Variants in TENM2 observed in about 807,000 individuals in gnomAD.
TENM2 encodes the protein teneurin transmembrane protein 2.
TENM2 carries 52 observed loss-of-function variants against 245.2 expected under a neutral mutation model. The observed-to-expected ratio is 0.21, with a 90% confidence interval of 0.17 to 0.27. The LOEUF (loss-of-function observed/expected upper bound fraction) is 0.27, where lower values mean the gene tolerates loss of function less well. TENM2 is among the 10% of genes least tolerant of loss of function. The probability of loss-of-function intolerance (pLI) is 1.00; values close to 1 mark genes in which losing one functional copy is unlikely to be tolerated. For missense variants in TENM2, 3,046 were observed against 3,666.8 expected, an observed-to-expected ratio of 0.83 and a Z score of 4.37; for synonymous variants, 1,363 against 1,438.9, an observed-to-expected ratio of 0.95 and a Z score of 1.19.
intron 2 of TENM2, among the ~76,000 whole-genome samples, chr5:167,433,266 G>A (rs1016996331): frequency 4.0e-5 from 6 of 151,716 alleles, no homozygotes; most frequent in Non-Finnish European, 8.8e-5. Flanking sequence ...ATTAAATATC[G>A]TGGCCATGTT....
At chr5:168,150,806 A>C (rs1756581289) in intron 12 of TENM2, among the ~76,000 whole-genome samples, 1 of 152,200 alleles carries the variant, frequency 6.6e-6, no homozygotes, top group Non-Finnish European at 1.5e-5. Context: ...TGAGAGTTGC[A>C]CAGGCCTGGA....
chr5:167,710,348 G>A (rs1484244005), intron 2 of TENM2, among the ~76,000 whole-genome samples: 1 of 151,836 alleles, frequency 6.6e-6, no homozygotes, highest in African/African-American at 2.4e-5. Context: ...TTTCATGGGG[G>A]AAAAAAACAA....
chr5:167,823,138 G>A (rs1329738861), intron 2 of TENM2, among the ~76,000 whole-genome samples: 1 of 152,046 alleles, frequency 6.6e-6, no homozygotes, highest in Non-Finnish European at 1.5e-5. Context: ...GTGCTAGTTT[G>A]CCTTTGGCCT....
intron 2 of TENM2, among the ~76,000 whole-genome samples, chr5:167,618,719 C>T (rs772531573): frequency 4.6e-5 from 7 of 152,220 alleles, no homozygotes; most frequent in African/African-American, 1.2e-4. Flanking sequence ...AATTTCCTCA[C>T]GTTTTGTCAA....
intron 4 of TENM2, among the ~76,000 whole-genome samples, chr5:167,967,567 G>C (rs1329199177): frequency 6.6e-6 from 1 of 152,048 alleles, no homozygotes; most frequent in Non-Finnish European, 1.5e-5. Context: ...ACTTATTGAG[G>C]AATTGAACTT....
At chr5:167,907,009 G>A (rs1180785619) in intron 3 of TENM2, among the ~76,000 whole-genome samples, 1 of 152,022 alleles carries the variant, frequency 6.6e-6, no homozygotes, top group Non-Finnish European at 1.5e-5. Flanking sequence ...GAGGCAGGCG[G>A]ATCACCTGAG....
At chr5:167,079,056 GC>G in the TENM2 span, among the ~76,000 whole-genome samples, 1 of 152,196 alleles carries the variant, frequency 6.6e-6, no homozygotes, top group Non-Finnish European at 1.5e-5. Flanking sequence ...CTCAGCTGGA[GC>G]ATGCATGCTG....
intron 20 of TENM2, among the ~76,000 whole-genome samples, chr5:168,214,411 T>C (rs905916610): frequency 2.6e-5 from 4 of 152,230 alleles, no homozygotes; most frequent in African/African-American, 9.6e-5. Context: ...CCTGTCTCAG[T>C]AATTCAGATT....
At chr5:167,053,821 C>T in the TENM2 span, among the ~76,000 whole-genome samples, 1 of 152,142 alleles carries the variant, frequency 6.6e-6, no homozygotes, top group African/African-American at 2.4e-5. Flanking sequence ...GGTTGCATAA[C>T]TAACCATAGG....
the TENM2 span, among the ~76,000 whole-genome samples, chr5:167,267,876 T>A: frequency 6.6e-6 from 1 of 152,172 alleles, no homozygotes; most frequent in Non-Finnish European, 1.5e-5. Context: ...TCTTTCATAT[T>A]ACCTATTGAT....
the TENM2 span, among the ~76,000 whole-genome samples, chr5:167,239,608 C>G: frequency 6.6e-6 from 1 of 152,154 alleles, no homozygotes. Flanking sequence ...CTTCCTCCCC[C>G]ACTAGTAGTC....
At chr5:167,740,306 C>G (rs1405821974) in intron 2 of TENM2, among the ~76,000 whole-genome samples, 1 of 152,188 alleles carries the variant, frequency 6.6e-6, no homozygotes, top group Non-Finnish European at 1.5e-5. Flanking sequence ...TCACTGTGAT[C>G]TCAGAAATTC....
chr5:167,008,958 G>A, the TENM2 span, among the ~76,000 whole-genome samples: 4 of 152,128 alleles, frequency 2.6e-5, no homozygotes, highest in African/African-American at 9.7e-5. Flanking sequence ...TTACAGCTTT[G>A]TGCTCCACAT....
chr5:167,644,432 A>AT (rs1226712337), intron 2 of TENM2, among the ~76,000 whole-genome samples: 1 of 152,136 alleles, frequency 6.6e-6, no homozygotes, highest in Non-Finnish European at 1.5e-5. Flanking sequence ...GATGGTGTGG[A>AT]TTTCAAGACT....
the TENM2 span, among the ~76,000 whole-genome samples, chr5:167,158,998 G>T: frequency 3.1e-4 from 46 of 147,388 alleles, no homozygotes; most frequent in African/African-American, 1.2e-3. Context: ...CTGTCGCCCA[G>T]GCTGGAGTGC....
At chr5:167,707,713 A>C (rs1388576574) in intron 2 of TENM2, among the ~76,000 whole-genome samples, 2 of 152,210 alleles carry the variant, frequency 1.3e-5, no homozygotes, top group Non-Finnish European at 2.9e-5. Context: ...AATCCTAGCA[A>C]GTCTACCTTC....
chr5:167,031,657 T>C, the TENM2 span, among the ~76,000 whole-genome samples: 8 of 152,106 alleles, frequency 5.3e-5, no homozygotes, highest in African/African-American at 1.9e-4. Context: ...CCCCGCCTCC[T>C]GGGTTCAAGC....
the TENM2 span, among the ~76,000 whole-genome samples, chr5:167,101,563 T>C: frequency 6.6e-6 from 1 of 151,922 alleles, no homozygotes; most frequent in Non-Finnish European, 1.5e-5. Context: ...GGGCTGCTCT[T>C]AATCACTCAT....
At chr5:167,310,747 G>T (rs1755984744) in intron 1 of TENM2, among the ~76,000 whole-genome samples, 1 of 152,188 alleles carries the variant, frequency 6.6e-6, no homozygotes, top group African/African-American at 2.4e-5. Flanking sequence ...AGGCTTGGTT[G>T]TTACATACAA....
Sources: allele counts gnomAD v4.1 joint callset (sites outside exome capture counted in the v4.1 genomes callset), GRCh38; gene constraint gnomAD v4.1.1; transcripts MANE v1.5; gene names NCBI Gene and HGNC (gene_info 2026-07-23, HGNC 2026-07-21).